FAM81B: variants seen among roughly 807,000 people sequenced by gnomAD.
FAM81B encodes the protein family with sequence similarity 81 member B, also known as protein FAM81B.
FAM81B carries 60 observed loss-of-function variants against 58.7 expected under a neutral mutation model. The ratio of observed to expected loss-of-function variants is 1.02; its 90% CI spans 0.83 to 1.27. The LOEUF (loss-of-function observed/expected upper bound fraction) is 1.27. FAM81B is among the 50% of genes most tolerant of loss of function. FAM81B has a pLI of 0.00. For synonymous variants in FAM81B, 189 were observed against 179.6 expected (o/e 1.05, Z -0.42); for missense variants, 491 against 522.0 (o/e 0.94, Z 0.58).
At chr5:95,399,677 CA>C (rs1762056911) in intron 3 of FAM81B, among the ~76,000 whole-genome samples, 1 of 152,142 alleles carries the variant, frequency 6.6e-6, no homozygotes, top group Non-Finnish European at 1.5e-5. Flanking sequence ...CCACTGAGGT[CA>C]GGCTGATGCT....
At chr5:95,399,597 G>T (rs1582782931) in intron 3 of FAM81B, among the ~76,000 whole-genome samples, 1 of 152,052 alleles carries the variant, frequency 6.6e-6, no homozygotes, top group Non-Finnish European at 1.5e-5. Flanking sequence ...CCCAAATGAT[G>T]ATCAGTCCCT....
intron 9 of FAM81B, 89 bp downstream of exon 9, chr5:95,448,553 C>A: frequency 8.2e-7 from 1 of 1,213,468 alleles, no homozygotes; most frequent in Non-Finnish European, 1.1e-6. Context: ...GGCCAGGGAT[C>A]AATCTTGTCA....
chr5:95,430,740 G>C (rs1286869649), intron 6 of FAM81B, among the ~76,000 whole-genome samples: 1 of 152,092 alleles, frequency 6.6e-6, no homozygotes, highest in Non-Finnish European at 1.5e-5. Flanking sequence ...TAAGCAGAGA[G>C]AGTACATGTG....
In FAM81B at chr5:95,428,659, A is replaced by G. The variant is rs750053234; in HGVS notation, c.713A>G (p.His238Arg). The change falls in exon 6 of 10, where the codon CAC (histidine) becomes CGC (arginine). Residue 238 changes from histidine (H) to arginine (R), a missense_variant. Physicochemically the swap from His to Arg is conservative, Grantham distance 29 (BLOSUM62 0). Coordinates refer to ENST00000283357, the MANE Select transcript of FAM81B (RefSeq NM_152548.3). Reference protein sequence around the residue: ...SGDIHLFRQEHRQIEKAIQEF... With the variant: ...SGDIHLFRQERRQIEKAIQEF... ...GACATTCACTTATTCAGGCAAGAGC[A>G]CCGGCAAATTGAGAAAGCCATTCAA... The G allele has an allele frequency of 2.5e-6, 4 of 1,613,936 alleles. No homozygotes were observed. Among genetic ancestry groups the G allele is most frequent in the Non-Finnish European group, 3.4e-6 (4 of 1,179,876 alleles).
chr5:95,448,190 A>G (rs1745655375), intron 8 of FAM81B, 79 bp from the exon 9 acceptor site: 1 of 1,324,524 alleles, frequency 7.5e-7, no homozygotes, highest in Non-Finnish European at 1.0e-6. Context: ...AGAAAAATGA[A>G]TGTTAAAAAT....
intron 6 of FAM81B, 52 bp downstream of exon 6, chr5:95,428,784 TC>T (rs1318723146): frequency 1.2e-6 from 2 of 1,604,428 alleles, no homozygotes; most frequent in Non-Finnish European, 1.7e-6. Flanking sequence ...AGAAGTAAGA[TC>T]ATTATAGCTT....
At chr5:95,424,448 T>A (rs866350485) in intron 5 of FAM81B, among the ~76,000 whole-genome samples, 101 of 134,504 alleles carry the variant, frequency 7.5e-4, no homozygotes, top group African/African-American at 1.3e-3. Context: ...ACAAAGAATT[T>A]AAAAAAAAAA....
At chr5:95,424,027 T>G (rs1762758577) in intron 5 of FAM81B, 1 of 1,289,426 alleles carries the variant, frequency 7.8e-7, no homozygotes, top group Non-Finnish European at 1.0e-6. Flanking sequence ...GCAACCGTGT[T>G]CTTTATCATT....
intron 7 of FAM81B, among the ~76,000 whole-genome samples, chr5:95,441,183 G>A (rs1745328604): frequency 6.6e-6 from 1 of 152,134 alleles, no homozygotes; most frequent in Non-Finnish European, 1.5e-5. Flanking sequence ...CATACAAAGA[G>A]CCTCGGCTTC....
intron 3 of FAM81B, among the ~76,000 whole-genome samples, chr5:95,403,563 CA>C (rs1289687922): frequency 6.6e-6 from 1 of 151,852 alleles, no homozygotes; most frequent in Non-Finnish European, 1.5e-5. Context: ...GCTCATATAA[CA>C]AAAAAAATCC....
At chr5:95,438,752 C>T (rs188183520) in intron 7 of FAM81B, among the ~76,000 whole-genome samples, 74 of 149,432 alleles carry the variant, frequency 5.0e-4, no homozygotes, top group Admixed American at 1.7e-3. Flanking sequence ...TAAATTTTCT[C>T]CAATTTTAAA....
At chr5:95,428,029 A>C (rs1007602812) in intron 5 of FAM81B, among the ~76,000 whole-genome samples, 5 of 152,222 alleles carry the variant, frequency 3.3e-5, no homozygotes, top group Admixed American at 3.3e-4. Flanking sequence ...GTTTTGTCCT[A>C]ATATGACAGT....
intron 6 of FAM81B, among the ~76,000 whole-genome samples, chr5:95,436,166 A>G (rs1362949815): frequency 6.6e-6 from 1 of 152,172 alleles, no homozygotes; most frequent in Non-Finnish European, 1.5e-5. Context: ...AACTTTCTCA[A>G]TGTTTCTGGC....
chr5:95,395,442 C>CAA (rs70978184), intron 2 of FAM81B, among the ~76,000 whole-genome samples: 5,555 of 102,426 alleles, frequency 0.054, 301 homozygotes, highest in African/African-American at 0.078. Context: ...GACCCCGTCT[C>CAA]AAAAAAAAAA....
chr5:95,445,445 C>A (rs1260965958), intron 7 of FAM81B, among the ~76,000 whole-genome samples: 3 of 152,152 alleles, frequency 2.0e-5, no homozygotes, highest in Admixed American at 1.3e-4. Flanking sequence ...CAGTCCCATA[C>A]CTCATTTAAT....
At chr5:95,395,414 G>C (rs1761939665) in intron 2 of FAM81B, among the ~76,000 whole-genome samples, 1 of 134,806 alleles carries the variant, frequency 7.4e-6, no homozygotes, top group South Asian at 2.3e-4. Context: ...CTGCACTCCA[G>C]CCTGGGCGAC....
At chr5:95,438,695 C>A (rs1745196602) in intron 7 of FAM81B, among the ~76,000 whole-genome samples, 1 of 149,978 alleles carries the variant, frequency 6.7e-6, no homozygotes, top group African/African-American at 2.5e-5. Context: ...TTCCCCCAGG[C>A]AAATAATTCT....
intron 5 of FAM81B, among the ~76,000 whole-genome samples, chr5:95,421,605 A>AC (rs1762686427): frequency 6.6e-6 from 1 of 151,938 alleles, no homozygotes; most frequent in African/African-American, 2.4e-5. Context: ...ATAAATGACC[A>AC]TGGGGGGATT....
chr5:95,412,660 C>T (rs1762434784), intron 3 of FAM81B, among the ~76,000 whole-genome samples: 1 of 152,146 alleles, frequency 6.6e-6, no homozygotes, highest in Non-Finnish European at 1.5e-5. Flanking sequence ...GGACTTAATT[C>T]CAAATCTGTC....
Sources: gnomAD v4.1 joint callset for allele counts (sites outside exome capture counted in the v4.1 genomes callset) on GRCh38, gnomAD v4.1.1 for gene constraint, MANE v1.5 for transcripts, NCBI Gene and HGNC (gene_info 2026-07-23, HGNC 2026-07-21) for gene names.